Variants in BRIP1 observed in about 807,000 individuals in gnomAD.
The protein encoded by BRIP1 is BRCA1 interacting DNA helicase 1, also known as Fanconi anemia group J protein.
A neutral mutation model predicts 119.7 loss-of-function variants in BRIP1; 88 were observed. That is an observed-to-expected ratio of 0.74 (90% confidence interval 0.62 to 0.88). The LOEUF (loss-of-function observed/expected upper bound fraction) is 0.88, where lower values mean the gene tolerates loss of function less well. Among genes scored for constraint, BRIP1 ranks in the 40% least tolerant of loss-of-function variants. The pLI, the probability that BRIP1 is intolerant of heterozygous loss-of-function variation, is 0.00. For missense variants in BRIP1, 1,259 were observed against 1,455.4 expected, an observed-to-expected ratio of 0.87 and a Z score of 2.20; for synonymous variants, 443 against 496.5, an observed-to-expected ratio of 0.89 and a Z score of 1.43.
rs1472514140 is a variant in BRIP1 at position 61,706,843 on chromosome 17, C to A, written c.2492+9108G>T. Among the ~76,000 whole-genome samples, 1 of 152,090 alleles carries A rather than the reference C, an allele frequency of 6.6e-6. No homozygotes were observed. Among genetic ancestry groups the A allele is most frequent in the Non-Finnish European group, 1.5e-5 (1 of 68,002 alleles). On this transcript the variant is annotated intron_variant, in intron 17 of 19. Coordinates refer to ENST00000259008, the MANE Select transcript of BRIP1 (RefSeq NM_032043.3). The surrounding 1 kb of genome is among the most constrained non-coding windows in gnomAD (Gnocchi z 5.7). Reference sequence around the variant, plus strand: ...ATGTTTTCTGTCATTAATTAATCCCCAAACCATGCCATAGCTGTAAAAATT... The same window carrying A: ...ATGTTTTCTGTCATTAATTAATCCCAAAACCATGCCATAGCTGTAAAAATT...
chr17:61,733,252 A>G (rs1242130051), intron 16 of BRIP1, among the ~76,000 whole-genome samples: 3 of 152,182 alleles, frequency 2.0e-5, no homozygotes, highest in African/African-American at 7.2e-5. Flanking sequence ...GCCAGGTGCA[A>G]TTGGCGCGAG....
Position 61,713,580 on chromosome 17 carries a change from G to A in BRIP1, c.2492+2371C>T, listed in dbSNP as rs2061812187. ...TCTGTCGCCCAGGCTGGAGTGCAGT[G>A]GGGTGATCTCGGCTCACTGCAGCCT... On this transcript the variant is annotated intron_variant, in intron 17 of 19. Transcript: ENST00000259008. This position sits in a 1 kb window ranked among gnomAD's most constrained non-coding sequence, Gnocchi z 4.9. Among the ~76,000 whole-genome samples the A allele has an allele frequency of 6.6e-6, 1 of 150,924 alleles. No individual in the cohort carries two copies. The highest frequency in any genetic ancestry group is 2.4e-5 in the African/African-American group (1 of 40,938).
chr17:61,722,730 A>G lies in BRIP1; in HGVS notation c.2380-6667T>C, dbSNP rs957661282. ...GTTATAAATGGAATATTTAGAGTGAATGTAGCAACTATTAGATTAAATAAA... is the reference window on the plus strand; with the variant it reads ...GTTATAAATGGAATATTTAGAGTGAGTGTAGCAACTATTAGATTAAATAAA... On this transcript the variant is annotated intron_variant, in intron 16 of 19. Transcript: ENST00000259008. This position sits in a 1 kb window ranked among gnomAD's most constrained non-coding sequence, Gnocchi z 4.6. 2.0e-5 allele frequency among the ~76,000 whole-genome samples: 3 copies of G among 152,246 alleles called. No homozygotes were observed. Among genetic ancestry groups the G allele is most frequent in the African/African-American group, 7.2e-5 (3 of 41,472 alleles).
chr17:61,685,146 G>A (rs1386185190), intron 19 of BRIP1: 1 of 152,286 alleles, frequency 6.6e-6, no homozygotes, highest in Non-Finnish European at 1.5e-5. Flanking sequence ...CAATTATGCT[G>A]TTCTAGTGCA....
In BRIP1 at chr17:61,683,963, T is replaced by A. The variant is rs1060501762; in HGVS notation, c.3083A>T (p.Asn1028Ile). 1 of 1,614,072 alleles carries A rather than the reference T, an allele frequency of 6.2e-7. No homozygotes were observed. Among genetic ancestry groups the A allele is most frequent in the African/African-American group, 1.3e-5 (1 of 74,920 alleles). ...KATPELGSSENSASSPPRFKT... is the reference protein window; with the variant it reads ...KATPELGSSEISASSPPRFKT... Reference sequence around the variant, plus strand: ...GAAACGGGGAGGACTAGAGGCACTATTCTCTGATGACCCGAGCTCAGGTGT... The same window carrying A: ...GAAACGGGGAGGACTAGAGGCACTAATCTCTGATGACCCGAGCTCAGGTGT... The change falls in exon 20 of 20, where the codon AAT (asparagine) becomes ATT (isoleucine). Residue 1028 changes from asparagine to isoleucine, a missense_variant. This residue lies in a region of BRIP1 where 753 missense variants were observed against 891.8 expected (regional missense o/e 0.84). Transcript: ENST00000259008. This position sits in a 1 kb window ranked among gnomAD's most constrained non-coding sequence, Gnocchi z 4.7.
intron 4 of BRIP1, among the ~76,000 whole-genome samples, chr17:61,855,013 A>T (rs2078875746): frequency 6.6e-6 from 1 of 151,650 alleles, no homozygotes; most frequent in African/African-American, 2.4e-5. Flanking sequence ...AGCCAGACAA[A>T]ATAAGTATAC....
Position 61,799,018 on chromosome 17 carries a change from C to A in BRIP1, c.1340+82G>T. ...AAGAAGCCTAGTTAACCAAAGTTTA[C>A]TAACTTTAAATACTCTGGCATAATC... is the stretch of plus-strand genomic sequence containing the variant. On this transcript the variant is annotated intron_variant, in intron 9 of 19. Coordinates refer to ENST00000259008, the MANE Select transcript of BRIP1 (RefSeq NM_032043.3). The surrounding 1 kb of genome is among the most constrained non-coding windows in gnomAD (Gnocchi z 5.1). 7.3e-7 allele frequency: 1 copy of A among 1,372,968 alleles called. No homozygotes were observed. Among genetic ancestry groups the A allele is most frequent in the Non-Finnish European group, 1.0e-6 (1 of 966,264 alleles). 85.0% of individuals were successfully genotyped at this position (1,372,968 alleles called of 1,614,324 possible). A position where few individuals can be genotyped will look rare whatever the true frequency, so the allele number is the denominator to read the frequency against.
rs2061508221 is a variant in BRIP1, at chr17:61,695,575, G to A, written c.2493-2063C>T. On this transcript the variant is annotated intron_variant, in intron 17 of 19. Coordinates refer to ENST00000259008, the MANE Select transcript of BRIP1 (RefSeq NM_032043.3). The surrounding 1 kb of genome is among the most constrained non-coding windows in gnomAD (Gnocchi z 4.3). ...GTATTTAACCTCTATATCAATATAG[G>A]GGAGTGTTGATATCCTAATGATAAG... 6.6e-6 allele frequency among the ~76,000 whole-genome samples: 1 copy of A among 152,016 alleles called. No homozygotes were observed. Among genetic ancestry groups the A allele is most frequent in the Admixed American group, 6.6e-5 (1 of 15,258 alleles).
chr17:61,849,077 C>G (rs2145759767), intron 5 of BRIP1, 52 bp downstream of exon 5: 2 of 1,599,370 alleles, frequency 1.3e-6, no homozygotes, highest in Non-Finnish European at 1.7e-6. Flanking sequence ...ACTTGACTAC[C>G]ATGTTCAGCT....
At position 61,682,210 on chromosome 17, in the gene BRIP1, A is replaced by G; in HGVS notation, c.*1086T>C. On this transcript the variant is annotated 3_prime_UTR_variant, in exon 20 of 20. Coordinates refer to ENST00000259008, the MANE Select transcript of BRIP1 (RefSeq NM_032043.3). The surrounding 1 kb of genome is among the most constrained non-coding windows in gnomAD (Gnocchi z 4.9). ...TGAAGTTTTCTATCTTAATCATTGT[A>G]TAACTAAAGCTTATGCTAGAACAAT... 5.0e-6 allele frequency: 1 copy of G among 198,206 alleles called. No individual in the cohort carries two copies. 12.3% of individuals were successfully genotyped at this position (198,206 alleles called of 1,614,324 possible). A position where few individuals can be genotyped will look rare whatever the true frequency, so the allele number is the denominator to read the frequency against.
At position 61,799,077 on chromosome 17, in the gene BRIP1, C is replaced by T. The variant is rs2145298192; in HGVS notation, c.1340+23G>A. On this transcript the variant is annotated intron_variant, in intron 9 of 19. Transcript: ENST00000259008. The surrounding 1 kb of genome is among the most constrained non-coding windows in gnomAD (Gnocchi z 5.1). ...TTTTCATATAAAGGCAGCACAAATA[C>T]ACTAATAGACAAATCTTCTTACTTA... 1.3e-6 allele frequency: 2 copies of T among 1,595,300 alleles called. No homozygotes were observed. Among genetic ancestry groups the T allele is most frequent in the African/African-American group, 1.3e-5 (1 of 74,622 alleles).
In BRIP1 at chr17:61,691,584, T is replaced by G. The variant is rs1016431880; in HGVS notation, c.2575+1846A>C. Reference sequence around the variant, plus strand: ...CATTCTCCTGCCTCAGCCTCCAGAATAGTTGAGATTACAGGCACCCGCCAC... The same window carrying G: ...CATTCTCCTGCCTCAGCCTCCAGAAGAGTTGAGATTACAGGCACCCGCCAC... On this transcript the variant is annotated intron_variant, in intron 18 of 19. Transcript: ENST00000259008. The surrounding 1 kb of genome is among the most constrained non-coding windows in gnomAD (Gnocchi z 5.0). 6.6e-6 allele frequency among the ~76,000 whole-genome samples: 1 copy of G among 152,108 alleles called. No homozygotes were observed. Among genetic ancestry groups the G allele is most frequent in the Non-Finnish European group, 1.5e-5 (1 of 68,028 alleles).
chr17:61,751,126 C>T lies in BRIP1; in HGVS notation c.2098-6535G>A, dbSNP rs1044137294. ...ATGAATAAACAAAATGTATGACCTA[C>T]GTGCAATGGAAAATTATTCAACTAT... is the stretch of plus-strand genomic sequence containing the variant. On this transcript the variant is annotated intron_variant, in intron 14 of 19. Transcript: ENST00000259008. This position sits in a 1 kb window ranked among gnomAD's most constrained non-coding sequence, Gnocchi z 6.7. 4.6e-5 allele frequency among the ~76,000 whole-genome samples: 7 copies of T among 152,262 alleles called. No homozygotes were observed. Among genetic ancestry groups the T allele is most frequent in the Non-Finnish European group, 8.8e-5 (6 of 68,032 alleles).
intron 6 of BRIP1, among the ~76,000 whole-genome samples, chr17:61,829,094 AC>A (rs2078451446): frequency 6.6e-6 from 1 of 152,164 alleles, no homozygotes; most frequent in African/African-American, 2.4e-5. Flanking sequence ...ACAAATAGTA[AC>A]CACAGTGATA....
chr17:61,778,248 TTA>T lies in BRIP1; in HGVS notation c.1936-1688_1936-1687del, dbSNP rs2145051946. ...GCCAGTCACAAAAACGACAAATATTTTATGATTCCACTTATATGAAGTATTTA... is the reference window on the plus strand; with the variant it reads ...GCCAGTCACAAAAACGACAAATATTTTGATTCCACTTATATGAAGTATTTA... On this transcript the variant is annotated intron_variant, in intron 13 of 19. Transcript: ENST00000259008. This position sits in a 1 kb window ranked among gnomAD's most constrained non-coding sequence, Gnocchi z 4.4. Among the ~76,000 whole-genome samples, 1 of 152,282 alleles carries T rather than the reference TTA, an allele frequency of 6.6e-6. No homozygotes were observed. Among genetic ancestry groups the T allele is most frequent in the East Asian group, 1.9e-4 (1 of 5,182 alleles).
intron 16 of BRIP1, among the ~76,000 whole-genome samples, chr17:61,741,863 A>C (rs2076991009): frequency 6.6e-6 from 1 of 152,232 alleles, no homozygotes; most frequent in South Asian, 2.1e-4. Context: ...GCTTCAACTT[A>C]AAGTCACCAG....
intron 14 of BRIP1, among the ~76,000 whole-genome samples, chr17:61,765,379 T>TATATA (rs1191564195): frequency 1.3e-4 from 5 of 37,746 alleles, no homozygotes; most frequent in Admixed American, 5.3e-4. Context: ...TGTGTATATA[T>TATATA]TATATATATA....
intron 16 of BRIP1, among the ~76,000 whole-genome samples, 153 bp from the exon 17 acceptor site, chr17:61,716,216 A>C (rs1455298078): frequency 6.6e-6 from 1 of 152,212 alleles, no homozygotes; most frequent in East Asian, 1.9e-4. Context: ...CATTTAAAAT[A>C]GTTTTATTTA....
chr17:61,811,951 CA>C (rs1156613742), intron 6 of BRIP1, among the ~76,000 whole-genome samples: 9 of 151,908 alleles, frequency 5.9e-5, no homozygotes, highest in African/African-American at 2.2e-4. Context: ...GATTCCATCT[CA>C]AAAAATAAAT....
Sources: allele counts gnomAD v4.1 joint callset (sites outside exome capture counted in the v4.1 genomes callset), GRCh38; gene constraint gnomAD v4.1.1; regional missense constraint gnomAD v4.1.1; non-coding constraint Gnocchi (gnomAD v3.1); transcripts MANE v1.5; gene names NCBI Gene and HGNC (gene_info 2026-07-23, HGNC 2026-07-21).